SEZ6L: variants seen among roughly 807,000 people sequenced by gnomAD.
SEZ6L encodes the protein seizure related 6 homolog like.
In SEZ6L, 37 loss-of-function variants were observed where a neutral mutation model predicts 106.2. That is an observed-to-expected ratio of 0.35 (90% CI 0.27 to 0.46). The LOEUF (loss-of-function observed/expected upper bound fraction) is 0.46, where lower values mean the gene tolerates loss of function less well. SEZ6L is among the 20% of genes least tolerant of loss of function. The probability of loss-of-function intolerance (pLI) is 1.00; values close to 1 mark genes in which losing one functional copy is unlikely to be tolerated. For synonymous variants in SEZ6L, 541 were observed against 570.4 expected, an observed-to-expected ratio of 0.95 and a Z score of 0.73; for missense variants, 1,172 against 1,332.8, an observed-to-expected ratio of 0.88 and a Z score of 1.88.
At chr22:26,301,329 C>T (rs771724383) in intron 5 of SEZ6L, among the ~76,000 whole-genome samples, 1 of 152,244 alleles carries the variant, frequency 6.6e-6, no homozygotes, top group Non-Finnish European at 1.5e-5. Flanking sequence ...TATCTAGGTA[C>T]TCATTCGACA....
intron 1 of SEZ6L, among the ~76,000 whole-genome samples, chr22:26,280,293 C>T (rs1415075755): frequency 6.6e-6 from 1 of 151,980 alleles, no homozygotes; most frequent in Non-Finnish European, 1.5e-5. Context: ...CATATATATG[C>T]ATGTAAAAAA....
chr22:26,267,300 G>A (rs1486532648), intron 1 of SEZ6L, among the ~76,000 whole-genome samples: 1 of 152,150 alleles, frequency 6.6e-6, no homozygotes, highest in Non-Finnish European at 1.5e-5. Context: ...GTCACTGCCA[G>A]GTTTTCCTGC....
At chr22:26,257,960 T>C (rs775651853) in intron 1 of SEZ6L, among the ~76,000 whole-genome samples, 1 of 152,166 alleles carries the variant, frequency 6.6e-6, no homozygotes, top group African/African-American at 2.4e-5. Flanking sequence ...GAAGAATAAA[T>C]GCTTATACCA....
At chr22:26,261,989 A>G (rs536033839) in intron 1 of SEZ6L, among the ~76,000 whole-genome samples, 5 of 152,200 alleles carry the variant, frequency 3.3e-5, no homozygotes, top group Non-Finnish European at 7.4e-5. Flanking sequence ...CACGATTGGG[A>G]AACAGAGGGA....
At chr22:26,357,288 C>T (rs963648465) in intron 12 of SEZ6L, among the ~76,000 whole-genome samples, 10 of 152,140 alleles carry the variant, frequency 6.6e-5, no homozygotes, top group South Asian at 2.1e-4. Context: ...CCTGTGAGTT[C>T]CTGGTGGCAT....
chr22:26,325,161 T>C (rs948427845), intron 9 of SEZ6L, among the ~76,000 whole-genome samples: 1 of 152,214 alleles, frequency 6.6e-6, no homozygotes, highest in Admixed American at 6.5e-5. Flanking sequence ...CAAGGCCTCT[T>C]GAGCCCACAC....
intron 1 of SEZ6L, among the ~76,000 whole-genome samples, chr22:26,214,376 G>T (rs914836721): frequency 6.6e-6 from 1 of 152,144 alleles, no homozygotes; most frequent in African/African-American, 2.4e-5. Context: ...CCGGCACACG[G>T]AAAAGAACCA....
At chr22:26,317,121 G>A (rs1235753606) in intron 9 of SEZ6L, among the ~76,000 whole-genome samples, 4 of 152,128 alleles carry the variant, frequency 2.6e-5, no homozygotes, top group East Asian at 1.9e-4. Flanking sequence ...GGTGGGTAGA[G>A]ACTACAGAGG....
rs1207033331 is a variant in SEZ6L, at chr22:26,348,703, A to AAAGGAAGGAAGAAAGGAAGGAAGG, written c.2407+791_2407+792insAGGAAGGAAGAAAGGAAGGAAGGA. On this transcript the variant is annotated intron_variant, in intron 11 of 16. Transcript: ENST00000248933. ...GAAAGAAAGAAAGAAAGAAAGAAAG[A>AAAGGAAGGAAGAAAGGAAGGAAGG]AGGCAAGGGAGGGAAGGGAGGGAAG... Among the ~76,000 whole-genome samples the AAAGGAAGGAAGAAAGGAAGGAAGG allele has an allele frequency of 2.5e-3, 104 of 41,462 alleles. 5 individuals carry two copies. The highest frequency in any genetic ancestry group is 9.5e-3 in the East Asian group (10 of 1,048). 27.2% of individuals were successfully genotyped at this position (41,462 alleles called of 152,430 possible). A position where few individuals can be genotyped will look rare whatever the true frequency, so the allele number is the denominator to read the frequency against.
At chr22:26,188,685 A>G (rs1256113831) in intron 1 of SEZ6L, among the ~76,000 whole-genome samples, 3 of 152,186 alleles carry the variant, frequency 2.0e-5, no homozygotes, top group Non-Finnish European at 4.4e-5. Context: ...CTCTTTGCAC[A>G]AAGGAACCCT....
intron 10 of SEZ6L, among the ~76,000 whole-genome samples, chr22:26,342,943 T>C (rs951975272): frequency 5.3e-5 from 8 of 152,176 alleles, no homozygotes; most frequent in African/African-American, 1.9e-4. Context: ...ATGGTGAACA[T>C]TTTTCATCCC....
At chr22:26,174,146 T>TG (rs145429737) in intron 1 of SEZ6L, among the ~76,000 whole-genome samples, 1 of 152,186 alleles carries the variant, frequency 6.6e-6, no homozygotes, top group African/African-American at 2.4e-5. Context: ...AGTTCTTTGG[T>TG]GGGGGGATAT....
At chr22:26,379,249 C>G (rs1220850340) in intron 16 of SEZ6L, among the ~76,000 whole-genome samples, 1 of 152,234 alleles carries the variant, frequency 6.6e-6, no homozygotes, top group Non-Finnish European at 1.5e-5. Flanking sequence ...TCTTCAGAGC[C>G]AGCAACAGAG....
chr22:26,170,984 G>C (rs1938560698), intron 1 of SEZ6L, among the ~76,000 whole-genome samples: 1 of 152,192 alleles, frequency 6.6e-6, no homozygotes, highest in Non-Finnish European at 1.5e-5. Flanking sequence ...CAGCACCAAA[G>C]GCCCTGGACA....
At chr22:26,284,621 A>AC (rs1381639115) in intron 1 of SEZ6L, among the ~76,000 whole-genome samples, 3 of 151,296 alleles carry the variant, frequency 2.0e-5, no homozygotes, top group Non-Finnish European at 4.4e-5. Context: ...AAAAAAAAAA[A>AC]AAAAAAAAAA....
At chr22:26,349,449 C>G (rs1368933819) in intron 11 of SEZ6L, among the ~76,000 whole-genome samples, 1 of 152,206 alleles carries the variant, frequency 6.6e-6, no homozygotes, top group Non-Finnish European at 1.5e-5. Flanking sequence ...GGAAACAACG[C>G]TGCTGTTAAA....
chr22:26,297,971 T>C (rs570393401), intron 4 of SEZ6L, among the ~76,000 whole-genome samples: 2 of 152,162 alleles, frequency 1.3e-5, no homozygotes, highest in African/African-American at 4.8e-5. Context: ...TGCTGAAACA[T>C]CTGAATGGAA....
intron 1 of SEZ6L, among the ~76,000 whole-genome samples, chr22:26,227,016 G>A (rs1021378238): frequency 6.6e-6 from 1 of 152,180 alleles, no homozygotes; most frequent in African/African-American, 2.4e-5. Flanking sequence ...CTGCCAGTAG[G>A]TCAGGGTTTC....
At chr22:26,233,373 G>A (rs1000114215) in intron 1 of SEZ6L, among the ~76,000 whole-genome samples, 1 of 152,158 alleles carries the variant, frequency 6.6e-6, no homozygotes, top group Non-Finnish European at 1.5e-5. Context: ...AGGATTGCGG[G>A]CTGAGGACCC....
Sources: gnomAD v4.1 joint callset for allele counts (sites outside exome capture counted in the v4.1 genomes callset) on GRCh38, gnomAD v4.1.1 for gene constraint, MANE v1.5 for transcripts, NCBI Gene and HGNC (gene_info 2026-07-23, HGNC 2026-07-21) for gene names.